Variants in SATB2 observed in about 807,000 individuals in gnomAD.
SATB2 encodes DNA-binding protein SATB2.
Under a neutral mutation model 73.4 loss-of-function variants are expected in SATB2, and 1 was observed. That is an observed-to-expected ratio of 0.01 (90% confidence interval 0.00 to 0.06). The LOEUF (loss-of-function observed/expected upper bound fraction) is 0.06, where lower values mean the gene tolerates loss of function less well. Ranked by LOEUF, SATB2 falls within the 10% of genes least tolerant of loss-of-function variation. The probability of loss-of-function intolerance (pLI) is 1.00; values close to 1 mark genes in which losing one functional copy is unlikely to be tolerated. For missense variants in SATB2, 459 were observed against 945.8 expected, an observed-to-expected ratio of 0.49 and a Z score of 6.75; for synonymous variants, 397 against 367.0, an observed-to-expected ratio of 1.08 and a Z score of -0.93.
intron 10 of SATB2, among the ~76,000 whole-genome samples, chr2:199,303,387 A>G (rs1213329152): frequency 6.6e-6 from 1 of 152,138 alleles, no homozygotes; most frequent in Non-Finnish European, 1.5e-5. Context: ...GGGGCGGAGG[A>G]AGAAGGAAGA....
chr2:199,433,462 T>C lies in SATB2; in HGVS notation c.222A>G (p.Glu74=). The change falls in exon 3 of 11, where the codon GAA becomes GAG. Residue 74 remains glutamate, a synonymous_variant. Transcript: ENST00000417098. ...CVVEQLDGSL[E]YDNREEHAEF... ...CGGCGTGTTCTTCTCTGTTGTCATA[T>C]TCAAGAGAGCCGTCCAACTGCTCCA... 1.9e-6 allele frequency: 3 copies of C among 1,614,108 alleles called. No homozygotes were observed. Among genetic ancestry groups the C allele is most frequent in the African/African-American group, 1.3e-5 (1 of 75,024 alleles).
At chr2:199,314,615 T>G (rs2105777505) in intron 9 of SATB2, among the ~76,000 whole-genome samples, 1 of 152,222 alleles carries the variant, frequency 6.6e-6, no homozygotes, top group East Asian at 1.9e-4. Context: ...TAATTGAGAC[T>G]GCCAACAAGA....
In SATB2 at chr2:199,308,034, C is replaced by T. The variant is rs1687484814; in HGVS notation, c.1740+726G>A. 6.6e-6 allele frequency among the ~76,000 whole-genome samples: 1 copy of T among 152,168 alleles called. No homozygotes were observed. Among genetic ancestry groups the T allele is most frequent in the African/African-American group, 2.4e-5 (1 of 41,438 alleles). Reference sequence around the variant, plus strand: ...CTACCAAAACAATTTGTGGGCCAAACTCTAGGGGGTCTAACGTTGGAAACC... The same window carrying T: ...CTACCAAAACAATTTGTGGGCCAAATTCTAGGGGGTCTAACGTTGGAAACC... On this transcript the variant is annotated intron_variant, in intron 10 of 10. Transcript: ENST00000417098. This position sits in a 1 kb window ranked among gnomAD's most constrained non-coding sequence, Gnocchi z 4.6.
intron 5 of SATB2, among the ~76,000 whole-genome samples, chr2:199,370,079 A>T (rs1689398076): frequency 1.3e-5 from 2 of 152,264 alleles, no homozygotes; most frequent in Admixed American, 6.5e-5. Flanking sequence ...CTCCTGCCTT[A>T]TAGGATGACC....
At chr2:199,277,003 CACAA>C (rs1692333813) in intron 10 of SATB2, among the ~76,000 whole-genome samples, 1 of 152,110 alleles carries the variant, frequency 6.6e-6, no homozygotes, top group Admixed American at 6.5e-5. Flanking sequence ...TTGCTATATA[CACAA>C]ACATAGATAA....
intron 10 of SATB2, among the ~76,000 whole-genome samples, chr2:199,292,074 T>TA (rs34007943): frequency 0.019 from 2,814 of 146,588 alleles, 89 homozygotes; most frequent in African/African-American, 0.064. Context: ...AAAGCAATGC[T>TA]AAAAAAAAAA....
At chr2:199,431,787 G>A (rs978965625) in intron 3 of SATB2, among the ~76,000 whole-genome samples, 2 of 152,144 alleles carry the variant, frequency 1.3e-5, no homozygotes, top group Admixed American at 6.5e-5. Context: ...AGCTCGCGAC[G>A]CGCTGAACGG....
chr2:199,379,282 T>C (rs1190935643), intron 5 of SATB2, among the ~76,000 whole-genome samples: 1 of 152,222 alleles, frequency 6.6e-6, no homozygotes. Flanking sequence ...TAGTTTATGG[T>C]GCGTTCACTA....
chr2:199,362,977 T>C (rs1689181779), intron 6 of SATB2, among the ~76,000 whole-genome samples: 1 of 152,230 alleles, frequency 6.6e-6, no homozygotes, highest in Non-Finnish European at 1.5e-5. Context: ...TGCAAGCTCA[T>C]TTCTTTTAAT....
At chr2:199,411,345 C>T (rs984622887) in intron 3 of SATB2, among the ~76,000 whole-genome samples, 1 of 152,136 alleles carries the variant, frequency 6.6e-6, no homozygotes, top group African/African-American at 2.4e-5. Flanking sequence ...TCCCCCTTAA[C>T]TTTCCTTGCT....
intron 3 of SATB2, among the ~76,000 whole-genome samples, chr2:199,386,704 GCGCGCGCGCGCGCACACACACACACA>G (rs1375285664): frequency 6.6e-5 from 4 of 60,758 alleles, no homozygotes; most frequent in East Asian, 5.8e-4. Context: ...AAGCGCGCGC[GCGCGCGCGCGCGCACACACACACACA>G]CACACACACA....
intron 10 of SATB2, among the ~76,000 whole-genome samples, chr2:199,277,956 T>C (rs1455733709): frequency 6.6e-6 from 1 of 152,176 alleles, no homozygotes; most frequent in Non-Finnish European, 1.5e-5. Flanking sequence ...TTAAAGCCCA[T>C]GCCCTTAAAC....
intron 3 of SATB2, among the ~76,000 whole-genome samples, chr2:199,409,979 C>T (rs1389046581): frequency 1.4e-5 from 2 of 138,382 alleles, no homozygotes; most frequent in African/African-American, 4.9e-5. Flanking sequence ...CATCACTGCC[C>T]CCCACCATCA....
intron 3 of SATB2, among the ~76,000 whole-genome samples, chr2:199,405,364 C>A (rs1335557067): frequency 1.3e-5 from 2 of 152,066 alleles, no homozygotes; most frequent in African/African-American, 4.8e-5. Flanking sequence ...CATGAGACTC[C>A]CCCATAAAGA....
At chr2:199,307,164 T>G (rs1687456905) in intron 10 of SATB2, among the ~76,000 whole-genome samples, 1 of 152,114 alleles carries the variant, frequency 6.6e-6, no homozygotes, top group South Asian at 2.1e-4. Flanking sequence ...AACTGTAGCA[T>G]TTACATGATC....
In SATB2 at chr2:199,270,863, AAAAC is replaced by A. The variant is rs1692133539; in HGVS notation, c.*1344_*1347del. 1 of 152,362 alleles carries A rather than the reference AAAAC, an allele frequency of 6.6e-6. No individual in the cohort carries two copies. Among genetic ancestry groups the A allele is most frequent in the Non-Finnish European group, 1.5e-5 (1 of 68,058 alleles). 9.4% of individuals were successfully genotyped at this position (152,362 alleles called of 1,614,324 possible). On this transcript the variant is annotated 3_prime_UTR_variant, in exon 11 of 11. Coordinates refer to ENST00000417098, the MANE Select transcript of SATB2 (RefSeq NM_001172509.2). ...TTGCCTGGAGCTGCACAACGATTCA[AAAAC>A]AGTTCTTGTTAGGGCTGTCATCCCA...
At chr2:199,326,609 A>G (rs1688035833) in intron 8 of SATB2, among the ~76,000 whole-genome samples, 1 of 152,144 alleles carries the variant, frequency 6.6e-6, no homozygotes, top group Non-Finnish European at 1.5e-5. Flanking sequence ...TTCTAAGAAG[A>G]GCTGCCTTGT....
At chr2:199,384,281 A>G (rs1470534989) in intron 3 of SATB2, among the ~76,000 whole-genome samples, 2 of 152,174 alleles carry the variant, frequency 1.3e-5, no homozygotes, top group Non-Finnish European at 2.9e-5. Flanking sequence ...GGCACATGCT[A>G]TTTTCCCAGG....
chr2:199,400,155 C>A (rs1323904500), intron 3 of SATB2, among the ~76,000 whole-genome samples: 2 of 152,128 alleles, frequency 1.3e-5, no homozygotes, highest in African/African-American at 2.4e-5. Flanking sequence ...TTAATCGCAC[C>A]ACACTTTGTA....
Sources: gnomAD v4.1 joint callset for allele counts (sites outside exome capture counted in the v4.1 genomes callset) on GRCh38, gnomAD v4.1.1 for gene constraint, Gnocchi (gnomAD v3.1) non-coding constraint, MANE v1.5 for transcripts, NCBI Gene and HGNC (gene_info 2026-07-23, HGNC 2026-07-21) for gene names.